The following RBFOX1 variants were observed in gnomAD, a reference collection of about 807,000 sequenced individuals.
RBFOX1 encodes the protein RNA binding fox-1 homolog 1.
RBFOX1 carries 8 observed loss-of-function variants against 57.7 expected under a neutral mutation model. That is an observed-to-expected ratio of 0.14 (90% CI 0.08 to 0.25). The LOEUF is 0.25. Among genes scored for constraint, RBFOX1 ranks in the 10% least tolerant of loss-of-function variants. The pLI is 1.00. For synonymous variants in RBFOX1, 326 were observed against 222.4 expected (o/e 1.47, Z -4.15); for missense variants, 611 against 548.5 (o/e 1.11, Z -1.14).
chr16:7,451,470 A>G (rs1408064319), intron 4 of RBFOX1, among the ~76,000 whole-genome samples: 2 of 152,128 alleles, frequency 1.3e-5, no homozygotes, highest in Non-Finnish European at 2.9e-5. Context: ...TGTGCTCGGG[A>G]CCGTAATGCA....
intron 2 of RBFOX1, among the ~76,000 whole-genome samples, chr16:6,551,811 T>G (rs1353328005): frequency 2.6e-5 from 4 of 152,212 alleles, no homozygotes; most frequent in African/African-American, 9.6e-5. Flanking sequence ...GTGATTATCA[T>G]GCCAATTACA....
intron 2 of RBFOX1, among the ~76,000 whole-genome samples, chr16:6,516,560 A>G (rs2096382396): frequency 6.6e-6 from 1 of 152,178 alleles, no homozygotes. Context: ...TAACCCTAGC[A>G]CTTTGTACAT....
intron 3 of RBFOX1, among the ~76,000 whole-genome samples, chr16:6,851,544 T>C (rs1167637210): frequency 6.6e-6 from 1 of 152,220 alleles, no homozygotes; most frequent in African/African-American, 2.4e-5. Flanking sequence ...AAATTTTTAT[T>C]TAAATATTTG....
At chr16:6,892,103 C>T (rs530100665) in intron 3 of RBFOX1, among the ~76,000 whole-genome samples, 10 of 152,138 alleles carry the variant, frequency 6.6e-5, no homozygotes, top group Admixed American at 1.3e-4. Context: ...CTTTACAGCA[C>T]GTTGACTCTT....
chr16:7,276,188 G>A (rs939388916), intron 4 of RBFOX1, among the ~76,000 whole-genome samples: 10 of 152,236 alleles, frequency 6.6e-5, no homozygotes, highest in African/African-American at 2.4e-4. Flanking sequence ...CAAGTCTGAA[G>A]TGAAGCTGCA....
At chr16:5,635,056 A>G (rs567298558) in intron 3 of RBFOX1, among the ~76,000 whole-genome samples, 4 of 152,136 alleles carry the variant, frequency 2.6e-5, no homozygotes, top group African/African-American at 9.7e-5. Context: ...AATAAAAGAG[A>G]TGGAGGGGAA....
chr16:5,696,087 C>G (rs2050834691), intron 3 of RBFOX1, among the ~76,000 whole-genome samples: 1 of 152,096 alleles, frequency 6.6e-6, no homozygotes, highest in South Asian at 2.1e-4. Flanking sequence ...TAGAAAATTA[C>G]AGAGAAGAAT....
At chr16:6,831,521 A>G (rs753463612) in intron 3 of RBFOX1, among the ~76,000 whole-genome samples, 2 of 152,208 alleles carry the variant, frequency 1.3e-5, no homozygotes, top group East Asian at 1.9e-4. Flanking sequence ...TTTTGAATAT[A>G]AGAGATTTCA....
Position 6,175,461 on chromosome 16 carries a change from G to T in RBFOX1, c.-126-141534G>T, listed in dbSNP as rs554818049. On this transcript the variant is annotated intron_variant, in intron 1 of 15. Transcript: ENST00000550418. ...ACTAATTTTGGCTTTATTTAATCCA[G>T]TTGGTCCCAGATGTGTTTGACCACC... 1.0e-3 allele frequency among the ~76,000 whole-genome samples: 155 copies of T among 152,174 alleles called. 1 individual carries two copies. The highest frequency in any genetic ancestry group is 3.5e-3 in the African/African-American group (147 of 41,526).
chr16:7,700,883 G>A (rs2080458140), intron 14 of RBFOX1, among the ~76,000 whole-genome samples: 1 of 152,114 alleles, frequency 6.6e-6, no homozygotes, highest in Non-Finnish European at 1.5e-5. Context: ...AAGATGATGT[G>A]ATCTGATTTG....
rs144419938 is a variant in RBFOX1 at position 6,079,715 on chromosome 16, G to A, written c.-127+59723G>A. Among the ~76,000 whole-genome samples, 492 of 152,196 alleles carry A rather than the reference G, an allele frequency of 3.2e-3. 1 individual carries two copies. The highest frequency in any genetic ancestry group is 5.3e-3 in the Non-Finnish European group (360 of 68,006). On this transcript the variant is annotated intron_variant, in intron 1 of 15. Coordinates refer to ENST00000550418, the MANE Select transcript of RBFOX1 (RefSeq NM_018723.4). The stretch of plus-strand genomic sequence containing the variant: ...GCCAGGTGTGATGGCACACACTTGT[G>A]ATCCTAGCTACTCAGAAGGCTGAGA...
chr16:6,450,778 TATATATATATAC>T (rs2094580192), intron 2 of RBFOX1, among the ~76,000 whole-genome samples: 3 of 52,332 alleles, frequency 5.7e-5, no homozygotes, highest in African/African-American at 2.7e-4. Flanking sequence ...TATATATATA[TATATATATATAC>T]ATATATATAT....
chr16:7,690,639 C>T (rs552124785), intron 14 of RBFOX1, among the ~76,000 whole-genome samples: 1 of 150,806 alleles, frequency 6.6e-6, no homozygotes, highest in Non-Finnish European at 1.5e-5. Context: ...GGCAGCCCCA[C>T]TGTCCAGAAT....
At chr16:6,291,019 C>A (rs991443667) in intron 1 of RBFOX1, among the ~76,000 whole-genome samples, 4 of 152,146 alleles carry the variant, frequency 2.6e-5, no homozygotes, top group Non-Finnish European at 5.9e-5. Flanking sequence ...GTGTATTATT[C>A]AGGCCTCCCC....
intron 2 of RBFOX1, among the ~76,000 whole-genome samples, chr16:5,565,603 C>T (rs916555332): frequency 6.6e-6 from 1 of 150,606 alleles, no homozygotes; most frequent in Non-Finnish European, 1.5e-5. Context: ...CCAGCCTGGG[C>T]AATAAGAGCG....
chr16:6,165,736 C>T (rs1163531879), intron 1 of RBFOX1, among the ~76,000 whole-genome samples: 3 of 152,340 alleles, frequency 2.0e-5, no homozygotes, highest in Non-Finnish European at 1.5e-5. Context: ...CAGCGTAATG[C>T]TCTCCTCATT....
At chr16:5,984,226 C>G (rs565394798) in intron 4 of RBFOX1, among the ~76,000 whole-genome samples, 33 of 134,054 alleles carry the variant, frequency 2.5e-4, no homozygotes, top group African/African-American at 9.1e-4. Context: ...CTTCCTCTTC[C>G]TCCTCATGGA....
At chr16:5,360,978 A>G (rs2065533270) in intron 1 of RBFOX1, among the ~76,000 whole-genome samples, 1 of 152,188 alleles carries the variant, frequency 6.6e-6, no homozygotes, top group African/African-American at 2.4e-5. Context: ...ACCCTGATTG[A>G]TAACCATACC....
At chr16:6,922,047 G>T (rs1173182906) in intron 3 of RBFOX1, among the ~76,000 whole-genome samples, 3 of 152,130 alleles carry the variant, frequency 2.0e-5, no homozygotes, top group Admixed American at 1.3e-4. Context: ...GTTACCAACT[G>T]GCAGCTGGTA....
Sources: allele counts gnomAD v4.1 joint callset (sites outside exome capture counted in the v4.1 genomes callset), GRCh38; gene constraint gnomAD v4.1.1; transcripts MANE v1.5; gene names NCBI Gene and HGNC (gene_info 2026-07-23, HGNC 2026-07-21).